LUC7L: variants seen among roughly 807,000 people sequenced by gnomAD.
LUC7L encodes putative RNA-binding protein Luc7-like 1.
A neutral mutation model predicts 51.1 loss-of-function variants in LUC7L; 29 were observed. The ratio of observed to expected loss-of-function variants is 0.57; its 90% CI spans 0.42 to 0.77. The LOEUF is 0.77. LUC7L is among the 30% of genes least tolerant of loss of function. LUC7L has a pLI of 0.00. For synonymous variants in LUC7L, 181 were observed against 180.7 expected, an observed-to-expected ratio of 1.00 and a Z score of -0.01; for missense variants, 403 against 511.9, an observed-to-expected ratio of 0.79 and a Z score of 2.05.
At chr16:207,368 T>A (rs2049513035) in intron 4 of LUC7L, among the ~76,000 whole-genome samples, 1 of 152,024 alleles carries the variant, frequency 6.6e-6, no homozygotes, top group African/African-American at 2.4e-5. Context: ...GATACACATG[T>A]GCACCACCAA....
intron 2 of LUC7L, among the ~76,000 whole-genome samples, chr16:221,414 G>A (rs1425393578): frequency 6.6e-6 from 1 of 151,904 alleles, no homozygotes; most frequent in Non-Finnish European, 1.5e-5. Flanking sequence ...GATAGGAAAC[G>A]GCCAGGGCTG....
In LUC7L at chr16:227,915, G is replaced by C. The variant is rs939261892; in HGVS notation, c.62-579C>G. 4 of 1,003,432 alleles carry C rather than the reference G, an allele frequency of 4.0e-6. No individual in the cohort carries two copies. The African/African-American group carries it at 7.0e-5, about 18-fold the overall frequency. The allele number at this position is 1,003,432 out of a possible 1,614,324, so 62.2% of individuals were successfully genotyped here. On this transcript the variant is annotated intron_variant, in intron 1 of 9. Coordinates refer to ENST00000293872, the MANE Select transcript of LUC7L (RefSeq NM_201412.3). ...GCTACCTGGGAGTCACTTTTAACAA[G>C]ACAATACCAAAAAAAGCAAAAAAGG... is the stretch of plus-strand genomic sequence containing the variant.
At chr16:220,879 T>C (rs2049945919) in intron 2 of LUC7L, 132 bp from the exon 3 acceptor site, 3 of 639,466 alleles carry the variant, frequency 4.7e-6, no homozygotes, top group East Asian at 2.6e-5. Context: ...AATAAGAAAA[T>C]TAAGAAAGGA....
chr16:217,751 A>G (rs565660777), intron 3 of LUC7L, among the ~76,000 whole-genome samples: 1 of 146,016 alleles, frequency 6.8e-6, no homozygotes, highest in South Asian at 2.2e-4. Context: ...AACAGAATTT[A>G]CTTGAGGCCA....
At chr16:192,502 CTTTTTTTTT>C (rs398058029) in intron 7 of LUC7L, among the ~76,000 whole-genome samples, 1 of 125,638 alleles carries the variant, frequency 8.0e-6, no homozygotes, top group Non-Finnish European at 1.6e-5. Context: ...ATGCTGTTTA[CTTTTTTTTT>C]TTTTTTTTTT....
At chr16:193,046 G>A (rs749405968) in intron 6 of LUC7L, 31 bp from the exon 7 acceptor site, 5 of 1,562,798 alleles carry the variant, frequency 3.2e-6, no homozygotes, top group South Asian at 1.1e-5. Context: ...ATGAGGAAGA[G>A]CAAGTTACAC....
rs1279839810 is a variant in LUC7L, at chr16:223,249, TGAGG to T, written c.157-2506_157-2503del. 2.0e-5 allele frequency among the ~76,000 whole-genome samples: 3 copies of T among 151,728 alleles called. No individual in the cohort carries two copies. The East Asian group carries it at 5.8e-4, about 30-fold the overall frequency. On this transcript the variant is annotated intron_variant, in intron 2 of 9. Coordinates refer to ENST00000293872, the MANE Select transcript of LUC7L (RefSeq NM_201412.3). ...CTGTAGTCCCAGCTACTCAGGAGGCTGAGGAAGGAGAATGGCATGAACCAGAGAG... is the reference window on the plus strand; with the variant it reads ...CTGTAGTCCCAGCTACTCAGGAGGCTAAGGAGAATGGCATGAACCAGAGAG...
intron 6 of LUC7L, among the ~76,000 whole-genome samples, chr16:196,582 C>G (rs542770650): frequency 5.3e-5 from 8 of 152,212 alleles, no homozygotes; most frequent in African/African-American, 1.9e-4. Context: ...GGCTAGAGTG[C>G]AGTGGCTCGA....
chr16:212,192 C>T (rs2049663150), intron 3 of LUC7L, among the ~76,000 whole-genome samples: 1 of 152,184 alleles, frequency 6.6e-6, no homozygotes. Context: ...ACTCAGGAGG[C>T]TGAGGCAGGA....
intron 7 of LUC7L, 192 bp from the exon 8 acceptor site, chr16:190,762 C>A (rs2048990876): frequency 1.7e-6 from 1 of 590,344 alleles, no homozygotes; most frequent in Non-Finnish European, 3.0e-6. Flanking sequence ...TGCCTGTAAT[C>A]CCAGCTACTC....
intron 5 of LUC7L, among the ~76,000 whole-genome samples, chr16:203,639 T>A (rs1022770600): frequency 1.4e-5 from 2 of 144,334 alleles, no homozygotes; most frequent in African/African-American, 2.6e-5. Flanking sequence ...GCCCAGGAGA[T>A]CAAGCCTTCA....
chr16:189,130 A>G lies in LUC7L; in HGVS notation c.*68T>C. ...CTACAAAAGATGAGTTGTATTCAGC[A>G]AATATAAAGGGTAATTTTAGACTGT... On this transcript the variant is annotated 3_prime_UTR_variant, in exon 10 of 10. Transcript: ENST00000293872. 1 of 1,476,106 alleles carries G rather than the reference A, an allele frequency of 6.8e-7. No individual in the cohort carries two copies. 91.4% of individuals were successfully genotyped at this position (1,476,106 alleles called of 1,614,324 possible).
At chr16:202,354 A>T (rs1283042179) in intron 5 of LUC7L, among the ~76,000 whole-genome samples, 1 of 152,094 alleles carries the variant, frequency 6.6e-6, no homozygotes, top group African/African-American at 2.4e-5. Flanking sequence ...CACCCCCATG[A>T]CCCAAACACC....
intron 9 of LUC7L, chr16:189,560 C>CT: frequency 7.2e-7 from 1 of 1,387,126 alleles, no homozygotes; most frequent in Non-Finnish European, 9.3e-7. Flanking sequence ...AGAGCCTTCA[C>CT]TGTAACATAA....
At chr16:228,814 C>T (rs1005620369) in intron 1 of LUC7L, 1 of 1,291,026 alleles carries the variant, frequency 7.7e-7, no homozygotes, top group Non-Finnish European at 1.0e-6. Flanking sequence ...GTTTACGGTT[C>T]CCCTTGCAAT....
At position 229,368 on chromosome 16, in the gene LUC7L, C is replaced by T. The variant is rs1054479917; in HGVS notation, c.-29G>A. On this transcript the variant is annotated 5_prime_UTR_variant, in exon 1 of 10. Transcript: ENST00000293872. ...AGCCGGCGGAGGCGACGGGGTCGGCCGCGACGACTTCTCTCAGGCAGGCGG... is the reference window on the plus strand; with the variant it reads ...AGCCGGCGGAGGCGACGGGGTCGGCTGCGACGACTTCTCTCAGGCAGGCGG... 8 of 1,487,472 alleles carry T rather than the reference C, an allele frequency of 5.4e-6. No individual in the cohort carries two copies. In the Admixed American group the frequency reaches 8.9e-5, roughly 16 times the overall value. The allele number at this position is 1,487,472 out of a possible 1,614,324, so 92.1% of individuals were successfully genotyped here. A position where few individuals can be genotyped will look rare whatever the true frequency, so the allele number is the denominator to read the frequency against.
chr16:227,474 T>C, intron 1 of LUC7L, 138 bp from the exon 2 acceptor site: 1 of 1,462,742 alleles, frequency 6.8e-7, no homozygotes, highest in Non-Finnish European at 9.0e-7. Context: ...GAAAAGCTGA[T>C]CTAAAGATAT....
chr16:190,047 GTCTA>G lies in LUC7L; in HGVS notation c.891_894del (p.Arg298IlefsTer81). Reference sequence around the variant, plus strand: ...CGGGAACGGCTGCGGTGGCGCCGATGTCTATCTCGGGACCGGGACCGGGACAATT... The same window carrying G: ...CGGGAACGGCTGCGGTGGCGCCGATGTCTCGGGACCGGGACCGGGACAATT... On this transcript the variant is annotated frameshift_variant, in exon 9 of 10. Coordinates refer to ENST00000293872, the MANE Select transcript of LUC7L (RefSeq NM_201412.3). LOFTEE classifies it high-confidence loss of function. 6.2e-7 allele frequency: 1 copy of G among 1,613,862 alleles called. No individual in the cohort carries two copies. The highest frequency in any genetic ancestry group is 8.5e-7 in the Non-Finnish European group (1 of 1,180,024).
chr16:211,975 G>A (rs942779534), intron 3 of LUC7L, among the ~76,000 whole-genome samples: 1 of 152,182 alleles, frequency 6.6e-6, no homozygotes, highest in Non-Finnish European at 1.5e-5. Context: ...TGCTGCACTA[G>A]GCACGTGCGC....
Sources: gnomAD v4.1 joint callset for allele counts (sites outside exome capture counted in the v4.1 genomes callset) on GRCh38, gnomAD v4.1.1 for gene constraint, MANE v1.5 for transcripts, NCBI Gene and HGNC (gene_info 2026-07-23, HGNC 2026-07-21) for gene names.